HCRTR2: variants seen among roughly 807,000 people sequenced by gnomAD.
HCRTR2 encodes the protein orexin receptor type 2.
Under a neutral mutation model 49.0 loss-of-function variants are expected in HCRTR2, and 22 were observed. The ratio of observed to expected loss-of-function variants is 0.45; its 90% CI spans 0.32 to 0.64. The LOEUF (loss-of-function observed/expected upper bound fraction) is 0.64, where lower values mean the gene tolerates loss of function less well. Ranked by LOEUF, HCRTR2 falls within the 30% of genes least tolerant of loss-of-function variation. The pLI, the probability that HCRTR2 is intolerant of heterozygous loss-of-function variation, is 0.04. For missense variants in HCRTR2, 491 were observed against 559.4 expected (o/e 0.88, Z 1.23); for synonymous variants, 236 against 205.3 (o/e 1.15, Z -1.28).
At chr6:55,190,407 T>C (rs1765296369) in intron 1 of HCRTR2, among the ~76,000 whole-genome samples, 1 of 151,504 alleles carries the variant, frequency 6.6e-6, no homozygotes, top group Admixed American at 6.6e-5. Context: ...AGAGGAGGAG[T>C]GTGTTTGCAG....
chr6:55,162,223 C>T (rs1764816800), intron 1 of HCRTR2, among the ~76,000 whole-genome samples: 2 of 152,258 alleles, frequency 1.3e-5, no homozygotes, highest in African/African-American at 2.4e-5. Flanking sequence ...AAAAACAGAA[C>T]CAATGACAAA....
intron 1 of HCRTR2, among the ~76,000 whole-genome samples, chr6:55,127,306 G>A (rs1764295512): frequency 6.6e-6 from 1 of 151,954 alleles, no homozygotes; most frequent in African/African-American, 2.4e-5. Flanking sequence ...GTTCCTCACG[G>A]CTCCCTCAGG....
intron 4 of HCRTR2, among the ~76,000 whole-genome samples, chr6:55,273,643 G>A (rs1767016603): frequency 6.6e-6 from 1 of 151,960 alleles, no homozygotes; most frequent in African/African-American, 2.4e-5. Context: ...TATTTTTAAA[G>A]TTTATTTATT....
chr6:55,221,080 G>C (rs762456824), intron 1 of HCRTR2, among the ~76,000 whole-genome samples: 1 of 152,114 alleles, frequency 6.6e-6, no homozygotes, highest in Non-Finnish European at 1.5e-5. Flanking sequence ...AGATAATTCT[G>C]TTTTCATGGG....
intron 1 of HCRTR2, among the ~76,000 whole-genome samples, chr6:55,151,306 G>A (rs2127258046): frequency 6.6e-6 from 1 of 152,104 alleles, no homozygotes; most frequent in East Asian, 1.9e-4. Context: ...TTTCAAAATT[G>A]AAGTTAATCT....
intron 1 of HCRTR2, among the ~76,000 whole-genome samples, chr6:55,183,988 C>T (rs978140907): frequency 6.6e-5 from 10 of 151,842 alleles, no homozygotes; most frequent in Non-Finnish European, 1.0e-4. Context: ...AGTGCAGTGG[C>T]GCCATTTCAG....
chr6:55,165,751 A>ATATATATATATG, intron 1 of HCRTR2, among the ~76,000 whole-genome samples: 1 of 8,516 alleles, frequency 1.2e-4, no homozygotes, highest in Non-Finnish European at 3.1e-4. Context: ...CAGAATATAT[A>ATATATATATATG]TATATATATA....
chr6:55,202,710 A>G (rs1765532053), intron 1 of HCRTR2, among the ~76,000 whole-genome samples: 1 of 151,898 alleles, frequency 6.6e-6, no homozygotes, highest in Admixed American at 6.6e-5. Flanking sequence ...ATTCCTTCCC[A>G]AAGGGCCCAC....
intron 1 of HCRTR2, among the ~76,000 whole-genome samples, chr6:55,124,382 T>A (rs753647326): frequency 2.6e-5 from 4 of 152,166 alleles, no homozygotes; most frequent in Non-Finnish European, 5.9e-5. Flanking sequence ...ACCCAGTAGT[T>A]ATTCAGGAGC....
At chr6:55,275,143 A>G (rs1036569779) in intron 4 of HCRTR2, among the ~76,000 whole-genome samples, 2 of 152,196 alleles carry the variant, frequency 1.3e-5, no homozygotes, top group African/African-American at 2.4e-5. Context: ...ACATTTTTTA[A>G]GACAGAGTAG....
chr6:55,200,708 C>A (rs1199863272), intron 1 of HCRTR2, among the ~76,000 whole-genome samples: 1 of 152,060 alleles, frequency 6.6e-6, no homozygotes, highest in Non-Finnish European at 1.5e-5. Context: ...CATGACAAGA[C>A]AATTAGTAGA....
chr6:55,233,198 C>T (rs1766149124), intron 1 of HCRTR2, among the ~76,000 whole-genome samples: 2 of 151,932 alleles, frequency 1.3e-5, no homozygotes, highest in East Asian at 1.9e-4. Context: ...TAGTGATTCT[C>T]CTGCCTCGGC....
rs1487603981 is a variant in HCRTR2 at position 55,141,806 on chromosome 6, CTT to C, written c.-377-32404_-377-32403del. Among the ~76,000 whole-genome samples, 5 of 152,184 alleles carry C rather than the reference CTT, an allele frequency of 3.3e-5. No individual in the cohort carries two copies. The South Asian group carries it at 6.2e-4, about 19-fold the overall frequency. Reference sequence around the variant, plus strand: ...AAAATATATTAGGGGTGACTAATAACTTGTGCATGCACATTCAGAACATTGCA... The same window carrying C: ...AAAATATATTAGGGGTGACTAATAACGTGCATGCACATTCAGAACATTGCA... On this transcript the variant is annotated intron_variant, in intron 1 of 7. Transcript: ENST00000615358.
At chr6:55,283,075 T>C (rs1174089684), downstream of HCRTR2, among the ~76,000 whole-genome samples, 1 of 152,232 alleles carries the variant, frequency 6.6e-6, no homozygotes, top group African/African-American at 2.4e-5. Context: ...TCTCAACATA[T>C]GGCCAGTAAG....
chr6:55,256,002 G>A (rs1475108924), intron 3 of HCRTR2, among the ~76,000 whole-genome samples: 3 of 152,256 alleles, frequency 2.0e-5, no homozygotes, highest in Non-Finnish European at 4.4e-5. Flanking sequence ...AGTATGATGT[G>A]AAATTTAAGC....
At position 55,174,552 on chromosome 6, in the gene HCRTR2, C is replaced by A; in HGVS notation, c.-36C>A. On this transcript the variant is annotated 5_prime_UTR_variant, in exon 1 of 7. Coordinates refer to ENST00000370862, the MANE Select transcript of HCRTR2 (RefSeq NM_001384272.1). The stretch of plus-strand genomic sequence containing the variant: ...TGCTCATGGGGCAGGCGGAGAGGAG[C>A]TTGCAGCATTGAGCGGAACCGGACT... 1 of 1,546,324 alleles carries A rather than the reference C, an allele frequency of 6.5e-7. No individual in the cohort carries two copies. Among genetic ancestry groups the A allele is most frequent in the Non-Finnish European group, 8.9e-7 (1 of 1,118,400 alleles).
chr6:55,197,960 C>T (rs2127282307), intron 1 of HCRTR2, among the ~76,000 whole-genome samples: 1 of 152,236 alleles, frequency 6.6e-6, no homozygotes, highest in South Asian at 2.1e-4. Context: ...AACTGTAAAC[C>T]TAGCTGTAAC....
chr6:55,109,197 G>C (rs4524608), intron 1 of HCRTR2, among the ~76,000 whole-genome samples: 4,737 of 152,206 alleles, frequency 0.031, 199 homozygotes, highest in African/African-American at 0.088. Flanking sequence ...AAGAGGGAGA[G>C]CACCACATCA....
At chr6:55,206,677 C>A (rs1765607726) in intron 1 of HCRTR2, among the ~76,000 whole-genome samples, 1 of 151,632 alleles carries the variant, frequency 6.6e-6, no homozygotes, top group Non-Finnish European at 1.5e-5. Flanking sequence ...GTAACTAGAT[C>A]AAAAATAAAG....
Sources: gnomAD v4.1 joint callset for allele counts (sites outside exome capture counted in the v4.1 genomes callset) on GRCh38, gnomAD v4.1.1 for gene constraint, MANE v1.5 for transcripts, NCBI Gene and HGNC (gene_info 2026-07-23, HGNC 2026-07-21) for gene names.